SCAMP1: variants seen among roughly 807,000 people sequenced by gnomAD.
SCAMP1 encodes the protein secretory carrier membrane protein 1.
Under a neutral mutation model 41.8 loss-of-function variants are expected in SCAMP1, and 15 were observed. The observed-to-expected ratio is 0.36, with a 90% CI of 0.24 to 0.55. SCAMP1 has a LOEUF of 0.55. SCAMP1 is among the 20% of genes least tolerant of loss of function. SCAMP1 has a pLI of 0.86. For missense variants in SCAMP1, 341 were observed against 412.6 expected, an observed-to-expected ratio of 0.83 and a Z score of 1.50; for synonymous variants, 135 against 136.8, an observed-to-expected ratio of 0.99 and a Z score of 0.09.
intron 7 of SCAMP1, among the ~76,000 whole-genome samples, chr5:78,454,318 G>T (rs981901544): frequency 3.0e-4 from 46 of 152,142 alleles, no homozygotes; most frequent in African/African-American, 7.5e-4. Flanking sequence ...TGGCTGTGGG[G>T]TTGTCATAGA....
chr5:78,399,290 G>C (rs1274622351), intron 2 of SCAMP1, among the ~76,000 whole-genome samples: 1 of 152,166 alleles, frequency 6.6e-6, no homozygotes, highest in Non-Finnish European at 1.5e-5. Flanking sequence ...CTGTATGTGG[G>C]TTTTTTGTAT....
chr5:78,448,078 CT>C (rs1203202122), intron 6 of SCAMP1, among the ~76,000 whole-genome samples: 1 of 20,816 alleles, frequency 4.8e-5, no homozygotes, highest in African/African-American at 2.4e-4. Flanking sequence ...CTCCCTCCTC[CT>C]TTCCCCCTCC....
intron 6 of SCAMP1, among the ~76,000 whole-genome samples, chr5:78,431,735 A>G (rs1165569009): frequency 6.6e-6 from 1 of 151,632 alleles, no homozygotes; most frequent in African/African-American, 2.4e-5. Context: ...GAGTACTCTC[A>G]GTTCCCCCTT....
chr5:78,430,436 T>G (rs1229487723), intron 6 of SCAMP1, among the ~76,000 whole-genome samples: 1 of 151,708 alleles, frequency 6.6e-6, no homozygotes, highest in Non-Finnish European at 1.5e-5. Flanking sequence ...TTCTGATTCT[T>G]TCCATATTTT....
At chr5:78,457,131 T>C (rs2112224911) in intron 7 of SCAMP1, among the ~76,000 whole-genome samples, 1 of 148,806 alleles carries the variant, frequency 6.7e-6, no homozygotes, top group South Asian at 2.2e-4. Flanking sequence ...TTGGTTTGAA[T>C]GTCCTCCCGT....
chr5:78,453,659 G>C (rs1015997296), intron 7 of SCAMP1, among the ~76,000 whole-genome samples: 3 of 152,096 alleles, frequency 2.0e-5, no homozygotes, highest in African/African-American at 7.2e-5. Context: ...GGATAGCCTT[G>C]GCGATGCGGG....
intron 1 of SCAMP1, among the ~76,000 whole-genome samples, chr5:78,364,895 G>GT (rs1750754598): frequency 9.0e-6 from 1 of 111,592 alleles, no homozygotes; most frequent in African/African-American, 3.5e-5. Flanking sequence ...GGGGTGGGGG[G>GT]AGGGGAGAAG....
chr5:78,403,848 C>G lies in SCAMP1; in HGVS notation c.136-11672C>G, dbSNP rs6863120. Among the ~76,000 whole-genome samples, 193 of 148,874 alleles carry G rather than the reference C, an allele frequency of 1.3e-3. 1 individual carries two copies. Among genetic ancestry groups the G allele is most frequent in the African/African-American group, 4.7e-3 (189 of 40,624 alleles). On this transcript the variant is annotated intron_variant, in intron 2 of 8. Coordinates refer to ENST00000621999, the MANE Select transcript of SCAMP1 (RefSeq NM_004866.6). ...GGTGTGGTGGCATGCGCCTGTAGTC[C>G]CAGCTACTTGGGAGGCTGAGGCAGG...
intron 2 of SCAMP1, among the ~76,000 whole-genome samples, chr5:78,394,918 GTTC>G (rs1441701265): frequency 2.6e-5 from 4 of 152,284 alleles, no homozygotes; most frequent in African/African-American, 9.6e-5. Context: ...TTACCTGTCT[GTTC>G]TTTTCATTCT....
At chr5:78,441,579 C>T (rs563080607) in intron 6 of SCAMP1, among the ~76,000 whole-genome samples, 52 of 152,224 alleles carry the variant, frequency 3.4e-4, no homozygotes, top group Non-Finnish European at 7.2e-4. Flanking sequence ...TTTGGGAGGC[C>T]GAGGCAGGCG....
intron 6 of SCAMP1, among the ~76,000 whole-genome samples, chr5:78,426,984 C>T (rs1198196789): frequency 6.6e-6 from 1 of 152,134 alleles, no homozygotes; most frequent in African/African-American, 2.4e-5. Context: ...ATATTTGGCT[C>T]TTTTCAACTT....
chr5:78,448,655 A>T (rs1753137279), intron 6 of SCAMP1, among the ~76,000 whole-genome samples: 1 of 152,246 alleles, frequency 6.6e-6, no homozygotes, highest in Admixed American at 6.5e-5. Context: ...AACAAGTGTT[A>T]ATGAGATGTG....
At chr5:78,388,463 G>A (rs150741508) in intron 1 of SCAMP1, among the ~76,000 whole-genome samples, 1,571 of 152,316 alleles carry the variant, frequency 0.01, 17 homozygotes, top group African/African-American at 0.031. Flanking sequence ...ACAAACTGAA[G>A]CTGTTATAAA....
intron 7 of SCAMP1, among the ~76,000 whole-genome samples, chr5:78,454,947 C>T (rs1222254978): frequency 6.6e-6 from 1 of 152,104 alleles, no homozygotes; most frequent in Non-Finnish European, 1.5e-5. Flanking sequence ...TCCATTTCTT[C>T]TAGATTTTCT....
intron 8 of SCAMP1, among the ~76,000 whole-genome samples, chr5:78,472,507 G>A (rs1753909801): frequency 6.6e-6 from 1 of 152,048 alleles, no homozygotes; most frequent in African/African-American, 2.4e-5. Flanking sequence ...ACCCTGGAGG[G>A]AAGTAATAAG....
At chr5:78,454,108 T>C (rs996268588) in intron 7 of SCAMP1, among the ~76,000 whole-genome samples, 4 of 152,196 alleles carry the variant, frequency 2.6e-5, no homozygotes, top group Non-Finnish European at 5.9e-5. Flanking sequence ...TTTCTAGATA[T>C]ACAATCATGT....
intron 6 of SCAMP1, among the ~76,000 whole-genome samples, chr5:78,438,380 T>C (rs953531472): frequency 6.6e-6 from 1 of 152,252 alleles, no homozygotes; most frequent in Non-Finnish European, 1.5e-5. Flanking sequence ...TACACACTGC[T>C]TTAAATGTGT....
intron 7 of SCAMP1, among the ~76,000 whole-genome samples, chr5:78,454,966 T>A (rs1214189902): frequency 2.0e-5 from 3 of 152,146 alleles, no homozygotes; most frequent in Non-Finnish European, 2.9e-5. Context: ...CTAGTTGATT[T>A]GCGTAGAGGT....
chr5:78,362,290 AT>A (rs1750677551), intron 1 of SCAMP1, among the ~76,000 whole-genome samples: 1 of 152,254 alleles, frequency 6.6e-6, no homozygotes, highest in African/African-American at 2.4e-5. Flanking sequence ...GACGCTGTTT[AT>A]TCAGCATCTG....
Sources: gnomAD v4.1 joint callset for allele counts (sites outside exome capture counted in the v4.1 genomes callset) on GRCh38, gnomAD v4.1.1 for gene constraint, MANE v1.5 for transcripts, NCBI Gene and HGNC (gene_info 2026-07-23, HGNC 2026-07-21) for gene names.